Variants in DTNBP1 observed in about 807,000 individuals in gnomAD.
DTNBP1 encodes the protein dystrobrevin binding protein 1, also known as dysbindin.
DTNBP1 carries 35 observed loss-of-function variants against 42.8 expected under a neutral mutation model. The observed-to-expected ratio is 0.82, with a 90% CI of 0.63 to 1.09. The LOEUF is 1.09. Ranked by LOEUF, DTNBP1 falls within the 50% of genes least tolerant of loss-of-function variation. The pLI is 0.00. For synonymous variants in DTNBP1, 171 were observed against 162.2 expected (o/e 1.05, Z -0.41); for missense variants, 457 against 424.2 (o/e 1.08, Z -0.68).
At chr6:15,573,035 CA>C (rs1775406623) in intron 7 of DTNBP1, among the ~76,000 whole-genome samples, 1 of 152,156 alleles carries the variant, frequency 6.6e-6, no homozygotes, top group Non-Finnish European at 1.5e-5. Context: ...CCTAGAATTC[CA>C]TGTTCTTAAT....
chr6:15,600,781 G>A (rs1776698456), intron 6 of DTNBP1, among the ~76,000 whole-genome samples: 1 of 152,216 alleles, frequency 6.6e-6, no homozygotes, highest in Non-Finnish European at 1.5e-5. Flanking sequence ...AATCTGTAGT[G>A]ATGGTATCTT....
chr6:15,592,806 C>A (rs1776352023), intron 7 of DTNBP1, among the ~76,000 whole-genome samples: 1 of 152,112 alleles, frequency 6.6e-6, no homozygotes, highest in Non-Finnish European at 1.5e-5. Context: ...TTCTCAACAA[C>A]CTCAAAGTTA....
chr6:15,607,435 G>T (rs1409992110), intron 6 of DTNBP1, among the ~76,000 whole-genome samples: 1 of 152,004 alleles, frequency 6.6e-6, no homozygotes, highest in East Asian at 1.9e-4. Flanking sequence ...CCAAGTAGCT[G>T]GGATTATAGG....
intron 6 of DTNBP1, among the ~76,000 whole-genome samples, chr6:15,607,767 T>A (rs910377505): frequency 6.7e-6 from 1 of 149,406 alleles, no homozygotes; most frequent in African/African-American, 2.5e-5. Context: ...ATTCAGGGAA[T>A]GTTATATGGA....
intron 8 of DTNBP1, 71 bp downstream of exon 8, chr6:15,533,169 G>T (rs1772982623): frequency 1.2e-6 from 2 of 1,601,436 alleles, no homozygotes; most frequent in Non-Finnish European, 1.7e-6. Flanking sequence ...GCCCTGCTCT[G>T]GGGAGAGGGG....
At position 15,637,843 on chromosome 6, in the gene DTNBP1, A is replaced by G. The variant is rs571651557; in HGVS notation, c.162-39T>C. 42 of 1,578,630 alleles carry G rather than the reference A, an allele frequency of 2.7e-5. No homozygotes were observed. In the East Asian group the frequency reaches 8.7e-4, roughly 33 times the overall value. On this transcript the variant is annotated intron_variant, in intron 3 of 9. Transcript: ENST00000344537. Reference sequence around the variant, plus strand: ...AAAAATAATTTGAAATGCAAACCACACATTAAAAGGAAATACTATCTAAAG... The same window carrying G: ...AAAAATAATTTGAAATGCAAACCACGCATTAAAAGGAAATACTATCTAAAG...
rs538445020 is a variant in DTNBP1, at chr6:15,622,935, C to T, written c.355+4408G>A. On this transcript the variant is annotated intron_variant, in intron 5 of 9. Transcript: ENST00000344537. ...AGTTATTTTCTAACAAAATAATTAG[C>T]CTTATGGAACAAAGAACTCTCCTTG... 5.3e-5 allele frequency among the ~76,000 whole-genome samples: 8 copies of T among 152,270 alleles called. No individual in the cohort carries two copies. In the South Asian group the frequency reaches 1.7e-3, roughly 32 times the overall value.
chr6:15,534,890 G>T (rs183820497), intron 7 of DTNBP1, among the ~76,000 whole-genome samples: 1 of 152,172 alleles, frequency 6.6e-6, no homozygotes, highest in Admixed American at 6.5e-5. Context: ...ACCCTTCAAG[G>T]TAAGCCTTAG....
intron 3 of DTNBP1, among the ~76,000 whole-genome samples, chr6:15,646,649 T>C (rs971534073): frequency 2.6e-5 from 4 of 152,006 alleles, no homozygotes; most frequent in African/African-American, 9.7e-5. Context: ...CAAAACATCA[T>C]AGTACTAGTA....
At chr6:15,660,119 GATA>G (rs1485158122) in intron 1 of DTNBP1, among the ~76,000 whole-genome samples, 1 of 152,154 alleles carries the variant, frequency 6.6e-6, no homozygotes, top group Non-Finnish European at 1.5e-5. Flanking sequence ...CTGCATAATT[GATA>G]ATATCAAAAA....
intron 6 of DTNBP1, among the ~76,000 whole-genome samples, chr6:15,607,653 A>G (rs1758153840): frequency 6.6e-6 from 1 of 152,192 alleles, no homozygotes; most frequent in East Asian, 1.9e-4. Context: ...GCTGATGCAC[A>G]CTGCAAAGCT....
At chr6:15,641,391 G>A (rs1760342555) in intron 3 of DTNBP1, among the ~76,000 whole-genome samples, 1 of 152,156 alleles carries the variant, frequency 6.6e-6, no homozygotes, top group Non-Finnish European at 1.5e-5. Context: ...GTGCAGAAAA[G>A]GAAAGCAGCA....
rs190574647 is a variant in DTNBP1 at position 15,602,639 on chromosome 6, T to C, written c.489-9558A>G. Reference sequence around the variant, plus strand: ...ATGAATTCTAAAACACTGAAAGTTATTACAGACTCTAAATTATAATGTACA... The same window carrying C: ...ATGAATTCTAAAACACTGAAAGTTACTACAGACTCTAAATTATAATGTACA... On this transcript the variant is annotated intron_variant, in intron 6 of 9. Transcript: ENST00000344537. Among the ~76,000 whole-genome samples the C allele has an allele frequency of 2.0e-5, 3 of 152,352 alleles. No homozygotes were observed. In the East Asian group the frequency reaches 5.8e-4, roughly 29 times the overall value.
At chr6:15,562,752 C>T (rs1331666392) in intron 7 of DTNBP1, among the ~76,000 whole-genome samples, 1 of 152,148 alleles carries the variant, frequency 6.6e-6, no homozygotes, top group Non-Finnish European at 1.5e-5. Context: ...AATCTCTGAC[C>T]ATGCAGTATT....
chr6:15,613,911 A>C (rs1255192270), intron 6 of DTNBP1, among the ~76,000 whole-genome samples: 1 of 152,078 alleles, frequency 6.6e-6, no homozygotes, highest in Non-Finnish European at 1.5e-5. Context: ...AATTACCTAG[A>C]ATGCCTGTTT....
At chr6:15,549,304 G>C (rs1210275529) in intron 7 of DTNBP1, among the ~76,000 whole-genome samples, 1 of 151,912 alleles carries the variant, frequency 6.6e-6, no homozygotes, top group Non-Finnish European at 1.5e-5. Flanking sequence ...GGCCAACATG[G>C]TGAAACCCTG....
intron 7 of DTNBP1, among the ~76,000 whole-genome samples, chr6:15,583,328 A>C (rs904020660): frequency 6.6e-6 from 1 of 152,194 alleles, no homozygotes; most frequent in Non-Finnish European, 1.5e-5. Flanking sequence ...AGGGAAAGCC[A>C]GATGAATATT....
intron 6 of DTNBP1, among the ~76,000 whole-genome samples, chr6:15,611,043 G>T (rs1464939381): frequency 6.6e-6 from 1 of 152,196 alleles, no homozygotes; most frequent in Non-Finnish European, 1.5e-5. Context: ...ATGACACCTA[G>T]GACTTTCATA....
intron 7 of DTNBP1, among the ~76,000 whole-genome samples, chr6:15,579,560 C>T (rs1775731808): frequency 6.6e-6 from 1 of 152,196 alleles, no homozygotes; most frequent in Non-Finnish European, 1.5e-5. Flanking sequence ...AATTCCAGCA[C>T]TTTGAAGGCC....
Sources: allele counts gnomAD v4.1 joint callset (sites outside exome capture counted in the v4.1 genomes callset), GRCh38; gene constraint gnomAD v4.1.1; transcripts MANE v1.5; gene names NCBI Gene and HGNC (gene_info 2026-07-23, HGNC 2026-07-21).